The following SRPK2 variants were observed in gnomAD, a reference collection of about 807,000 sequenced individuals.
SRPK2 encodes SFRS protein kinase 2.
SRPK2 carries 21 observed loss-of-function variants against 90.8 expected under a neutral mutation model. The ratio of observed to expected loss-of-function variants is 0.23; its 90% confidence interval spans 0.16 to 0.33. The LOEUF is 0.33. SRPK2 is among the 10% of genes least tolerant of loss of function. The pLI is 1.00. For missense variants in SRPK2, 620 were observed against 869.0 expected (o/e 0.71, Z 3.60); for synonymous variants, 288 against 311.1 (o/e 0.93, Z 0.78).
At chr7:105,303,674 A>G (rs1810833173) in intron 2 of SRPK2, among the ~76,000 whole-genome samples, 1 of 152,150 alleles carries the variant, frequency 6.6e-6, no homozygotes, top group African/African-American at 2.4e-5. Flanking sequence ...GAAAACTGGG[A>G]TTTGAATCTT....
chr7:105,331,337 A>AAAAAAAAC (rs1554512429), intron 2 of SRPK2, among the ~76,000 whole-genome samples: 134 of 141,912 alleles, frequency 9.4e-4, no homozygotes, highest in Non-Finnish European at 1.7e-3. Flanking sequence ...AAAAAAAAAA[A>AAAAAAAAC]CAAATAGTTA....
intron 2 of SRPK2, chr7:105,244,699 G>T: frequency 8.7e-7 from 1 of 1,150,098 alleles, no homozygotes. Context: ...AGGGCCAAAA[G>T]GTGACCAAGA....
At chr7:105,389,233 C>T (rs1180283032), upstream of SRPK2, 43 of 1,239,646 alleles carry the variant, frequency 3.5e-5, no homozygotes, top group Non-Finnish European at 4.3e-5. Context: ...CGCGGCCTCT[C>T]CCCTCCGCAC....
intron 2 of SRPK2, among the ~76,000 whole-genome samples, chr7:105,283,287 T>C (rs1399536830): frequency 6.6e-6 from 1 of 152,196 alleles, no homozygotes; most frequent in Non-Finnish European, 1.5e-5. Flanking sequence ...CTCCTAGGTA[T>C]ATACCCAAGG....
intron 2 of SRPK2, among the ~76,000 whole-genome samples, chr7:105,226,107 A>G (rs891211952): frequency 2.6e-5 from 4 of 152,234 alleles, no homozygotes; most frequent in African/African-American, 7.2e-5. Flanking sequence ...GAACCTAAAG[A>G]CTTCCAAAAT....
chr7:105,276,094 T>C (rs1806451174), intron 2 of SRPK2, among the ~76,000 whole-genome samples: 1 of 152,022 alleles, frequency 6.6e-6, no homozygotes, highest in Admixed American at 6.6e-5. Flanking sequence ...ATTTTTTTTT[T>C]TTAGAGGGAC....
At chr7:105,302,659 A>C (rs1810686937) in intron 2 of SRPK2, among the ~76,000 whole-genome samples, 2 of 152,034 alleles carry the variant, frequency 1.3e-5, no homozygotes, top group Admixed American at 1.3e-4. Flanking sequence ...CCCTTTAATA[A>C]ATTAATATCT....
intron 4 of SRPK2, 48 bp downstream of exon 4, chr7:105,169,109 G>A (rs1427535231): frequency 1.3e-6 from 2 of 1,516,554 alleles, no homozygotes; most frequent in Admixed American, 1.7e-5. Context: ...GAACACAGAT[G>A]TTGAACTACT....
At chr7:105,284,713 A>G (rs1031959631) in intron 2 of SRPK2, among the ~76,000 whole-genome samples, 1 of 152,114 alleles carries the variant, frequency 6.6e-6, no homozygotes, top group Non-Finnish European at 1.5e-5. Context: ...TAAAATTCTC[A>G]CCTCGAGCAT....
Position 105,142,057 on chromosome 7 carries a change from A to C in SRPK2, c.1494T>G (p.His498Gln), listed in dbSNP as rs1406686701. 3.1e-6 allele frequency: 5 copies of C among 1,613,966 alleles called. No individual in the cohort carries two copies. Among genetic ancestry groups the C allele is most frequent in the African/African-American group, 1.3e-5 (1 of 74,908 alleles). ...AGGCTGAAACCGTTCTGCTTCTGTC[A>C]TGGGATGGACTGCTCTCCTCTTGCT... ...LTEQEESSPS[H>Q]DRSRTVSASS... is the part of the protein sequence containing the mutation. Residue 498 changes from histidine to glutamine, a missense_variant, in exon 11 of 16, where the codon CAT becomes CAG. Physicochemically the swap from His to Gln is conservative, Grantham distance 24 (BLOSUM62 0). Coordinates refer to ENST00000393651, the MANE Select transcript of SRPK2 (RefSeq NM_182692.3).
At chr7:105,343,373 A>T (rs1192011486) in intron 2 of SRPK2, among the ~76,000 whole-genome samples, 1 of 152,150 alleles carries the variant, frequency 6.6e-6, no homozygotes, top group Admixed American at 6.6e-5. Flanking sequence ...GGTTGAGGCT[A>T]CAGTAAGCCA....
intron 2 of SRPK2, chr7:105,306,485 A>C (rs953997137): frequency 2.5e-6 from 1 of 404,148 alleles, no homozygotes; most frequent in African/African-American, 2.2e-5. Flanking sequence ...TGAACCAGGC[A>C]AAAAAAAAAC....
At chr7:105,328,689 C>G (rs909066056) in intron 2 of SRPK2, among the ~76,000 whole-genome samples, 2 of 151,336 alleles carry the variant, frequency 1.3e-5, no homozygotes, top group African/African-American at 4.9e-5. Context: ...ACGGTGAAAC[C>G]CCATCTCTAC....
At chr7:105,161,138 G>C (rs923962621) in intron 6 of SRPK2, among the ~76,000 whole-genome samples, 4 of 152,036 alleles carry the variant, frequency 2.6e-5, no homozygotes, top group African/African-American at 9.7e-5. Context: ...TGTTAGCCAG[G>C]ATGGTCTCGA....
chr7:105,155,067 G>A (rs949645129), intron 7 of SRPK2, among the ~76,000 whole-genome samples: 19 of 151,770 alleles, frequency 1.3e-4, no homozygotes, highest in African/African-American at 3.6e-4. Flanking sequence ...TGCAGCCTCC[G>A]CCTCCCAAGT....
intron 2 of SRPK2, among the ~76,000 whole-genome samples, chr7:105,328,521 C>T (rs962868985): frequency 7.3e-6 from 1 of 137,220 alleles, no homozygotes; most frequent in African/African-American, 2.7e-5. Context: ...TGCGATCAGG[C>T]CACTGACTCC....
At chr7:105,138,221 T>C (rs767114135) in intron 11 of SRPK2, among the ~76,000 whole-genome samples, 20 of 152,326 alleles carry the variant, frequency 1.3e-4, no homozygotes, top group Non-Finnish European at 2.4e-4. Context: ...TAAATATTTA[T>C]CTTAGCACTG....
intron 2 of SRPK2, among the ~76,000 whole-genome samples, chr7:105,287,311 T>C (rs1012608416): frequency 6.9e-6 from 1 of 145,270 alleles, no homozygotes; most frequent in Non-Finnish European, 1.5e-5. Context: ...AAGATCCACA[T>C]GTACTGATAA....
Position 105,339,780 on chromosome 7 carries a change from G to A in SRPK2, c.71+48868C>T, listed in dbSNP as rs578192532. ...GGCATGAATCAAGGACACGATCCTG[G>A]CCAGGAGCGGTGGCTCACGCCTGTA... On this transcript the variant is annotated intron_variant, in intron 2 of 15. Transcript: ENST00000393651. Among the ~76,000 whole-genome samples, 33 of 152,308 alleles carry A rather than the reference G, an allele frequency of 2.2e-4. 1 individual carries two copies. Among genetic ancestry groups the A allele is most frequent in the Admixed American group, 1.4e-3 (22 of 15,300 alleles).
Sources: gnomAD v4.1 joint callset for allele counts (sites outside exome capture counted in the v4.1 genomes callset) on GRCh38, gnomAD v4.1.1 for gene constraint, MANE v1.5 for transcripts, NCBI Gene and HGNC (gene_info 2026-07-23, HGNC 2026-07-21) for gene names.